DLG1: variants seen among roughly 807,000 people sequenced by gnomAD.
DLG1 encodes the protein discs large MAGUK scaffold protein 1.
Under a neutral mutation model 123.4 loss-of-function variants are expected in DLG1, and 42 were observed. That is an observed-to-expected ratio of 0.34 (90% confidence interval 0.27 to 0.44). The LOEUF (loss-of-function observed/expected upper bound fraction) is 0.44. Among genes scored for constraint, DLG1 ranks in the 20% least tolerant of loss-of-function variants. The pLI is 1.00. For synonymous variants in DLG1, 317 were observed against 356.2 expected, an observed-to-expected ratio of 0.89 and a Z score of 1.24; for missense variants, 942 against 1,082.6, an observed-to-expected ratio of 0.87 and a Z score of 1.82.
At chr3:197,114,286 C>T (rs1230916011) in intron 13 of DLG1, among the ~76,000 whole-genome samples, 6 of 152,154 alleles carry the variant, frequency 3.9e-5, no homozygotes, top group African/African-American at 9.7e-5. Flanking sequence ...TGCTAGACAT[C>T]GACAAAGTTT....
At chr3:197,267,706 C>A (rs1183405879) in intron 4 of DLG1, among the ~76,000 whole-genome samples, 5 of 152,198 alleles carry the variant, frequency 3.3e-5, no homozygotes, top group Non-Finnish European at 7.3e-5. Flanking sequence ...AACATACTTA[C>A]AAAGACAGAT....
intron 4 of DLG1, among the ~76,000 whole-genome samples, chr3:197,196,885 T>A (rs1294075833): frequency 1.3e-5 from 2 of 152,220 alleles, no homozygotes; most frequent in African/African-American, 4.8e-5. Flanking sequence ...ATGCACTGTT[T>A]AAACATTTTT....
chr3:197,269,920 CTA>C (rs1178094902), intron 4 of DLG1, among the ~76,000 whole-genome samples: 1 of 152,052 alleles, frequency 6.6e-6, no homozygotes, highest in Non-Finnish European at 1.5e-5. Flanking sequence ...ATATTGTAAA[CTA>C]TTAATACAAT....
At chr3:197,183,932 A>C (rs551587561) in intron 5 of DLG1, 1,087 of 1,436,282 alleles carry the variant, frequency 7.6e-4, no homozygotes, top group Non-Finnish European at 9.6e-4. Flanking sequence ...GTGAAAATAA[A>C]AACCTTGAGA....
At chr3:197,297,605 G>A (rs761045752) in intron 1 of DLG1, 1 of 1,016,856 alleles carries the variant, frequency 9.8e-7, no homozygotes, top group Non-Finnish European at 1.2e-6. Context: ...AGCAGCGGCC[G>A]CAGAGCGCTG....
At chr3:197,177,942 C>T (rs537795988) in intron 5 of DLG1, among the ~76,000 whole-genome samples, 1 of 152,214 alleles carries the variant, frequency 6.6e-6, no homozygotes, top group South Asian at 2.1e-4. Context: ...TGCTTGGGCC[C>T]TCCTTAGCAC....
intron 4 of DLG1, among the ~76,000 whole-genome samples, chr3:197,213,181 T>C (rs1005042390): frequency 1.3e-5 from 2 of 152,316 alleles, no homozygotes; most frequent in East Asian, 1.9e-4. Flanking sequence ...CATCAACAGA[T>C]AGGAATAAAC....
intron 5 of DLG1, among the ~76,000 whole-genome samples, chr3:197,152,177 T>C (rs1176652200): frequency 3.3e-5 from 5 of 152,050 alleles, no homozygotes; most frequent in Admixed American, 3.3e-4. Flanking sequence ...ATGGAGAAAA[T>C]GAATTTTAAT....
intron 4 of DLG1, among the ~76,000 whole-genome samples, chr3:197,197,491 G>T (rs1029858952): frequency 2.0e-5 from 3 of 152,176 alleles, no homozygotes; most frequent in Non-Finnish European, 4.4e-5. Flanking sequence ...AGGTGAAACA[G>T]GAAAAATGCC....
At chr3:197,212,777 A>G (rs749464247) in intron 4 of DLG1, among the ~76,000 whole-genome samples, 1 of 152,230 alleles carries the variant, frequency 6.6e-6, no homozygotes, top group Non-Finnish European at 1.5e-5. Context: ...GGACTCCAAC[A>G]TATCTTTTTT....
chr3:197,054,175 TTCTC>T (rs1189749712), intron 23 of DLG1, among the ~76,000 whole-genome samples: 1 of 152,228 alleles, frequency 6.6e-6, no homozygotes, highest in Non-Finnish European at 1.5e-5. Flanking sequence ...GCTTTCAAGA[TTCTC>T]TCTGTATTCT....
intron 5 of DLG1, among the ~76,000 whole-genome samples, chr3:197,178,453 G>C (rs1290123458): frequency 6.6e-6 from 1 of 152,114 alleles, no homozygotes; most frequent in Non-Finnish European, 1.5e-5. Flanking sequence ...TTTTTAATAT[G>C]TTACCTTTCA....
chr3:197,174,830 C>G (rs1233378595), intron 5 of DLG1, among the ~76,000 whole-genome samples: 9 of 152,160 alleles, frequency 5.9e-5, no homozygotes. Context: ...AGGTTATAAT[C>G]CCCAATTCTT....
intron 1 of DLG1, 128 bp downstream of exon 1, chr3:197,298,408 C>G (rs886367555): frequency 2.5e-6 from 1 of 398,442 alleles, no homozygotes; most frequent in Admixed American, 4.4e-5. Context: ...CTGGAGGAGC[C>G]CGCCTTTACC....
At chr3:197,244,227 G>A (rs1438562311) in intron 4 of DLG1, among the ~76,000 whole-genome samples, 2 of 152,336 alleles carry the variant, frequency 1.3e-5, no homozygotes, top group African/African-American at 4.8e-5. Flanking sequence ...CAGGGTGCTG[G>A]ACTTGAGGGA....
chr3:197,164,893 C>A (rs35429814), intron 5 of DLG1, among the ~76,000 whole-genome samples: 36,640 of 150,926 alleles, frequency 0.24, 5,617 homozygotes, highest in East Asian at 0.72. Context: ...CACTGTACTC[C>A]AGCCTGGGCA....
chr3:197,068,943 A>G (rs1741581028), intron 19 of DLG1, among the ~76,000 whole-genome samples: 1 of 152,134 alleles, frequency 6.6e-6, no homozygotes, highest in Admixed American at 6.6e-5. Context: ...CCCCCATTTA[A>G]CTAGATATTT....
chr3:197,290,679 A>AC (rs1369336015), intron 3 of DLG1, among the ~76,000 whole-genome samples: 2 of 152,126 alleles, frequency 1.3e-5, no homozygotes, highest in Non-Finnish European at 2.9e-5. Flanking sequence ...GCAGTGGCTC[A>AC]CACCTGTAAT....
chr3:197,216,370 G>C (rs1335747002), intron 4 of DLG1, among the ~76,000 whole-genome samples: 1 of 152,154 alleles, frequency 6.6e-6, no homozygotes, highest in Non-Finnish European at 1.5e-5. Context: ...CAGGACTTAT[G>C]AGAGTGAGTC....
Sources: gnomAD v4.1 joint callset for allele counts (sites outside exome capture counted in the v4.1 genomes callset) on GRCh38, gnomAD v4.1.1 for gene constraint, MANE v1.5 for transcripts, NCBI Gene and HGNC (gene_info 2026-07-23, HGNC 2026-07-21) for gene names.